The following ATAD5 variants were observed in gnomAD, a reference collection of about 807,000 sequenced individuals.
ATAD5 encodes the protein ATPase family AAA domain-containing protein 5.
Under a neutral mutation model 176.9 loss-of-function variants are expected in ATAD5, and 58 were observed. The observed-to-expected ratio is 0.33, with a 90% CI of 0.27 to 0.41. ATAD5 has a LOEUF of 0.41. Among genes scored for constraint, ATAD5 ranks in the 10% least tolerant of loss-of-function variants. ATAD5 has a pLI of 1.00. For missense variants in ATAD5, 1,789 were observed against 2,094.1 expected, an observed-to-expected ratio of 0.85 and a Z score of 2.84; for synonymous variants, 640 against 712.6, an observed-to-expected ratio of 0.90 and a Z score of 1.62.
Position 30,841,302 on chromosome 17 carries a change from G to T in ATAD5, c.2241+521G>T, listed in dbSNP as rs7219607. On this transcript the variant is annotated intron_variant, in intron 4 of 22. Coordinates refer to ENST00000321990, the MANE Select transcript of ATAD5 (RefSeq NM_024857.5). ...CAGCCCTCTTGCCTTTCTTCAAAAC[G>T]ACTCTTTGCTCTAGTCACACAGAAT... Among the ~76,000 whole-genome samples, 4 of 151,984 alleles carry T rather than the reference G, an allele frequency of 2.6e-5. No homozygotes were observed. The East Asian group carries it at 7.7e-4, about 29-fold the overall frequency.
chr17:30,849,762 A>G (rs1376651694), intron 6 of ATAD5, among the ~76,000 whole-genome samples: 7 of 152,180 alleles, frequency 4.6e-5, no homozygotes, highest in Non-Finnish European at 1.0e-4. Flanking sequence ...CAGAAGTTTG[A>G]TGACGTCCAG....
chr17:30,856,199 C>T (rs890555753), intron 7 of ATAD5, among the ~76,000 whole-genome samples: 10 of 152,124 alleles, frequency 6.6e-5, no homozygotes, highest in Admixed American at 3.9e-4. Context: ...AATTATTGAA[C>T]GCTTACTATT....
chr17:30,850,286 T>C (rs1397120227), intron 6 of ATAD5, among the ~76,000 whole-genome samples: 1 of 152,022 alleles, frequency 6.6e-6, no homozygotes, highest in African/African-American at 2.4e-5. Flanking sequence ...AACCAACCTC[T>C]GGCTATGTCT....
At chr17:30,887,747 T>C (rs1909399125) in intron 19 of ATAD5, among the ~76,000 whole-genome samples, 1 of 152,150 alleles carries the variant, frequency 6.6e-6, no homozygotes, top group African/African-American at 2.4e-5. Context: ...CCCGAAGAGT[T>C]TGAGGCTGCA....
rs1255494848 is a variant in ATAD5, at chr17:30,834,581, T to A, written c.500T>A (p.Val167Glu). 4 of 1,609,374 alleles carry A rather than the reference T, an allele frequency of 2.5e-6. No homozygotes were observed. The South Asian group carries it at 4.5e-5, about 18-fold the overall frequency. ...TTACGTTACAAGAAACAAGTAGAGG[T>A]ACTTGCAGAAAACATTCAAGATACA... ...SVLRYKKQVE[V>E]LAENIQDTKS... Residue 167 changes from valine to glutamate, a missense_variant, in exon 2 of 23, where the codon GTA becomes GAA. Val to Glu is a moderately radical substitution (Grantham distance 121). Transcript: ENST00000321990.
At chr17:30,874,280 T>G (rs553799905) in intron 14 of ATAD5, among the ~76,000 whole-genome samples, 2 of 151,868 alleles carry the variant, frequency 1.3e-5, no homozygotes, top group African/African-American at 4.8e-5. Flanking sequence ...CGGTGGCTCA[T>G]GCCTGTAATC....
chr17:30,894,744 A>G (rs1309703856), intron 22 of ATAD5, 22 bp downstream of exon 22: 6 of 1,582,550 alleles, frequency 3.8e-6, no homozygotes, highest in Non-Finnish European at 5.1e-6. Context: ...ATTAAAAACA[A>G]CATTTTAGAT....
At chr17:30,886,708 G>A (rs1252310683) in intron 18 of ATAD5, among the ~76,000 whole-genome samples, 1 of 150,374 alleles carries the variant, frequency 6.7e-6, no homozygotes, top group Non-Finnish European at 1.5e-5. Context: ...AGGAGTTTGA[G>A]ACCAGCCTGG....
At chr17:30,888,552 T>A (rs1909444743) in intron 19 of ATAD5, among the ~76,000 whole-genome samples, 1 of 150,774 alleles carries the variant, frequency 6.6e-6, no homozygotes, top group African/African-American at 2.4e-5. Context: ...TAAAAAAAAA[T>A]TTTTGCAGTC....
intron 3 of ATAD5, among the ~76,000 whole-genome samples, chr17:30,840,127 G>C (rs1183441121): frequency 2.0e-5 from 3 of 150,508 alleles, no homozygotes; most frequent in Non-Finnish European, 4.4e-5. Flanking sequence ...GAACTCGGGA[G>C]GCAGAGGTTG....
At chr17:30,858,127 G>T in intron 8 of ATAD5, 34 bp from the exon 9 acceptor site, 1 of 1,443,396 alleles carries the variant, frequency 6.9e-7, no homozygotes, top group Non-Finnish European at 9.2e-7. Context: ...AGATGATGTT[G>T]GTCTGTTATT....
At position 30,860,470 on chromosome 17, in the gene ATAD5, G is replaced by A. The variant is rs770704411; in HGVS notation, c.2994G>A (p.Arg998=). 7 of 1,595,278 alleles carry A rather than the reference G, an allele frequency of 4.4e-6. No individual in the cohort carries two copies. Among genetic ancestry groups the A allele is most frequent in the Non-Finnish European group, 5.1e-6 (6 of 1,175,950 alleles). ...ATGTCAGCCATAAAGAAACCAAAAG[G>A]AAACTCGTAGAAGCAGAAAATTCTA... ...EADVSHKETK[R]KLVEAENSKS... Residue 998 remains arginine, a synonymous_variant, in exon 10 of 23, where the codon AGG becomes AGA. Coordinates refer to ENST00000321990, the MANE Select transcript of ATAD5 (RefSeq NM_024857.5).
chr17:30,856,257 G>A (rs1295380912), intron 7 of ATAD5, among the ~76,000 whole-genome samples: 1 of 152,124 alleles, frequency 6.6e-6, no homozygotes, highest in Non-Finnish European at 1.5e-5. Context: ...GTTTAATCCT[G>A]ATAACAACTC....
chr17:30,849,241 C>G (rs1906723267), intron 6 of ATAD5, among the ~76,000 whole-genome samples: 1 of 152,076 alleles, frequency 6.6e-6, no homozygotes, highest in African/African-American at 2.4e-5. Flanking sequence ...TATTAATGGA[C>G]ATCTGGATTG....
intron 19 of ATAD5, among the ~76,000 whole-genome samples, chr17:30,891,727 C>T (rs1260605408): frequency 1.3e-5 from 2 of 151,418 alleles, no homozygotes; most frequent in Admixed American, 6.6e-5. Flanking sequence ...GCTCTGTTGC[C>T]GAGGCTGGAG....
intron 11 of ATAD5, 135 bp downstream of exon 11, chr17:30,865,935 GT>G: frequency 1.9e-6 from 1 of 516,780 alleles, no homozygotes; most frequent in Non-Finnish European, 3.3e-6. Flanking sequence ...TAAGTGAAAA[GT>G]AGCCCTCTTT....
Position 30,895,077 on chromosome 17 carries a change from AC to A in ATAD5, c.*165del, listed in dbSNP as rs1168605671. The A allele has an allele frequency of 2.1e-6, 1 of 484,262 alleles. No individual in the cohort carries two copies. Among genetic ancestry groups the A allele is most frequent in the Non-Finnish European group, 3.5e-6 (1 of 286,572 alleles). The allele number at this position is 484,262 out of a possible 1,614,324, so 30.0% of individuals were successfully genotyped here. A position where few individuals can be genotyped will look rare whatever the true frequency, so the allele number is the denominator to read the frequency against. Reference sequence around the variant, plus strand: ...GGTAAATATTTAAAATATTTGAGTTACAAATTTTATATATGATTGTAATTTT... The same window carrying A: ...GGTAAATATTTAAAATATTTGAGTTAAAATTTTATATATGATTGTAATTTT... On this transcript the variant is annotated 3_prime_UTR_variant, in exon 23 of 23. Coordinates refer to ENST00000321990, the MANE Select transcript of ATAD5 (RefSeq NM_024857.5).
At position 30,834,761 on chromosome 17, in the gene ATAD5, A is replaced by G. The variant is rs768662290; in HGVS notation, c.680A>G (p.Asn227Ser). The G allele has an allele frequency of 6.2e-7, 1 of 1,614,076 alleles. No homozygotes were observed. The highest frequency in any genetic ancestry group is 1.7e-5 in the Admixed American group (1 of 60,018). Reference sequence around the variant, plus strand: ...AGCTTACCCTTGGCAGAGGAACTAAATTTGCTTAAAAAAGATGGTAAAGAT... The same window carrying G: ...AGCTTACCCTTGGCAGAGGAACTAAGTTTGCTTAAAAAAGATGGTAAAGAT... The part of the protein sequence containing the change: ...SESLPLAEEL[N>S]LLKKDGKDTK... The change falls in exon 2 of 23, where the codon AAT becomes AGT. Residue 227 changes from asparagine (N) to serine (S), a missense_variant. Asn to Ser is a conservative substitution (Grantham distance 46). This residue lies in a region of ATAD5 where 696 missense variants were observed against 712.5 expected (regional missense o/e 0.98). Transcript: ENST00000321990.
rs552854930 is a variant in ATAD5 at position 30,866,350 on chromosome 17, G to A, written c.3233+550G>A. On this transcript the variant is annotated intron_variant, in intron 11 of 22. Coordinates refer to ENST00000321990, the MANE Select transcript of ATAD5 (RefSeq NM_024857.5). Reference sequence around the variant, plus strand: ...GTAGCTGGGACTACAGGGGTGCACCGCCATGCCAGGCTAATTTTTGTATTT... The same window carrying A: ...GTAGCTGGGACTACAGGGGTGCACCACCATGCCAGGCTAATTTTTGTATTT... Among the ~76,000 whole-genome samples, 7 of 150,452 alleles carry A rather than the reference G, an allele frequency of 4.7e-5. No individual in the cohort carries two copies. The East Asian group carries it at 1.4e-3, about 30-fold the overall frequency.
Sources: gnomAD v4.1 joint callset for allele counts (sites outside exome capture counted in the v4.1 genomes callset) on GRCh38, gnomAD v4.1.1 for gene constraint, gnomAD v4.1.1 regional missense constraint, MANE v1.5 for transcripts, NCBI Gene and HGNC (gene_info 2026-07-23, HGNC 2026-07-21) for gene names.